Variants in RIMS1 observed in about 807,000 individuals in gnomAD.
RIMS1 encodes regulating synaptic membrane exocytosis 1, also known as regulating synaptic membrane exocytosis protein 1.
In RIMS1, 83 loss-of-function variants were observed where a neutral mutation model predicts 214.1. The observed-to-expected ratio is 0.39, with a 90% CI of 0.32 to 0.47. The LOEUF is 0.47. Ranked by LOEUF, RIMS1 falls within the 20% of genes least tolerant of loss-of-function variation. The pLI is 0.99. For synonymous variants in RIMS1, 793 were observed against 786.8 expected, an observed-to-expected ratio of 1.01 and a Z score of -0.13; for missense variants, 2,050 against 2,161.8, an observed-to-expected ratio of 0.95 and a Z score of 1.03.
At position 72,389,273 on chromosome 6, in the gene RIMS1, G is replaced by A. The variant is rs779984951; in HGVS notation, c.4367-1325G>A. Among the ~76,000 whole-genome samples, 41 of 152,228 alleles carry A rather than the reference G, an allele frequency of 2.7e-4. No individual in the cohort carries two copies. In the South Asian group the frequency reaches 3.3e-3, roughly 12 times the overall value. On this transcript the variant is annotated intron_variant, in intron 29 of 33. Coordinates refer to ENST00000521978, the MANE Select transcript of RIMS1 (RefSeq NM_014989.7). ...TACTAACCATTGTCTTCCTTGAGTG[G>A]TGAAATTATAGGGGGCATTCAATGT...
intron 2 of RIMS1, among the ~76,000 whole-genome samples, chr6:72,067,428 A>C (rs905588169): frequency 2.6e-5 from 4 of 152,180 alleles, no homozygotes; most frequent in Non-Finnish European, 5.9e-5. Flanking sequence ...AGATATTTGC[A>C]TGACCTGTTG....
At chr6:72,296,182 A>T (rs1360702341) in intron 26 of RIMS1, among the ~76,000 whole-genome samples, 1 of 151,810 alleles carries the variant, frequency 6.6e-6, no homozygotes, top group Non-Finnish European at 1.5e-5. Flanking sequence ...GTTTTTTAAA[A>T]ATTTTATTTA....
intron 4 of RIMS1, among the ~76,000 whole-genome samples, chr6:72,165,202 C>T (rs1289013225): frequency 6.6e-6 from 1 of 152,044 alleles, no homozygotes; most frequent in East Asian, 1.9e-4. Context: ...AATTTGAGTT[C>T]ACTAATCTTA....
chr6:72,151,064 A>G (rs1265529385), intron 4 of RIMS1, among the ~76,000 whole-genome samples: 1 of 151,620 alleles, frequency 6.6e-6, no homozygotes, highest in Non-Finnish European at 1.5e-5. Context: ...TTTTTTTGAG[A>G]CGGAGTCTCG....
chr6:71,999,072 C>T (rs1804334436), intron 2 of RIMS1, among the ~76,000 whole-genome samples: 2 of 151,948 alleles, frequency 1.3e-5, no homozygotes, highest in Non-Finnish European at 2.9e-5. Context: ...AATATGATCC[C>T]TTTTACAATA....
intron 4 of RIMS1, among the ~76,000 whole-genome samples, chr6:72,115,265 A>G (rs1255178244): frequency 6.6e-6 from 1 of 151,982 alleles, no homozygotes; most frequent in Admixed American, 6.6e-5. Context: ...TAGTATTATT[A>G]GAAACTGATT....
At chr6:72,227,287 T>C (rs2060476794) in intron 6 of RIMS1, among the ~76,000 whole-genome samples, 1 of 151,960 alleles carries the variant, frequency 6.6e-6, no homozygotes, top group African/African-American at 2.4e-5. Context: ...GAAATGCTTA[T>C]AATTATATAA....
At chr6:72,379,028 A>G in intron 29 of RIMS1, among the ~76,000 whole-genome samples, 1 of 152,350 alleles carries the variant, frequency 6.6e-6, no homozygotes, top group South Asian at 2.1e-4. Flanking sequence ...TCTTCCAGAC[A>G]TGAAACTGTA....
intron 19 of RIMS1, chr6:72,263,323 T>A (rs1227983578): frequency 1.0e-6 from 1 of 985,192 alleles, no homozygotes; most frequent in African/African-American, 1.7e-5. Context: ...AATGCTATAG[T>A]TGCCTTACTG....
At chr6:72,143,826 T>C (rs530396829) in intron 4 of RIMS1, among the ~76,000 whole-genome samples, 1 of 152,350 alleles carries the variant, frequency 6.6e-6, no homozygotes, top group East Asian at 1.9e-4. Context: ...AGCATTGCAC[T>C]TCAACAAATG....
Position 72,011,804 on chromosome 6 carries a change from G to A in RIMS1, c.245+42741G>A, listed in dbSNP as rs533345404. On this transcript the variant is annotated intron_variant, in intron 2 of 33. Transcript: ENST00000521978. ...GATACCATCTCTTACCAGTTAGAAT[G>A]GCAATCATTAAAAAGTCAGGAAACA... Among the ~76,000 whole-genome samples, 10 of 152,286 alleles carry A rather than the reference G, an allele frequency of 6.6e-5. No homozygotes were observed. The South Asian group carries it at 1.9e-3, about 28-fold the overall frequency.
At chr6:72,296,503 T>C (rs575981598) in intron 26 of RIMS1, among the ~76,000 whole-genome samples, 57 of 151,942 alleles carry the variant, frequency 3.8e-4, no homozygotes, top group African/African-American at 1.3e-3. Context: ...TTTCTGAGAG[T>C]CATGGGAGAA....
intron 4 of RIMS1, among the ~76,000 whole-genome samples, chr6:72,133,669 T>C (rs993461209): frequency 6.6e-6 from 1 of 152,146 alleles, no homozygotes; most frequent in African/African-American, 2.4e-5. Flanking sequence ...ACTCACTGAC[T>C]GTGGATGACA....
Position 71,886,824 on chromosome 6 carries a change from G to A in RIMS1, c.-200G>A. 3.2e-6 allele frequency: 2 copies of A among 623,488 alleles called. No homozygotes were observed. Among genetic ancestry groups the A allele is most frequent in the Non-Finnish European group, 5.6e-6 (2 of 358,654 alleles). 38.6% of individuals were successfully genotyped at this position (623,488 alleles called of 1,614,324 possible). On this transcript the variant is annotated 5_prime_UTR_variant, in exon 1 of 34. Coordinates refer to ENST00000521978, the MANE Select transcript of RIMS1 (RefSeq NM_014989.7). ...CAAAGGCAGCATCCGGGGCTGGGTG[G>A]ATGCAAACAACCATGAAAGACTGGG... is the stretch of plus-strand genomic sequence containing the variant.
intron 29 of RIMS1, among the ~76,000 whole-genome samples, chr6:72,341,373 T>C (rs1452160360): frequency 6.6e-6 from 1 of 151,816 alleles, no homozygotes; most frequent in East Asian, 1.9e-4. Context: ...AATCTAAAAC[T>C]ATATGAAATA....
intron 26 of RIMS1, among the ~76,000 whole-genome samples, chr6:72,293,283 A>G (rs529756680): frequency 1.3e-5 from 2 of 152,026 alleles, no homozygotes; most frequent in Admixed American, 6.6e-5. Context: ...AATATGATGC[A>G]TTGTGAAACT....
Position 72,316,867 on chromosome 6 carries a change from G to T in RIMS1, c.4130+3195G>T, listed in dbSNP as rs184454311. On this transcript the variant is annotated intron_variant, in intron 28 of 33. Coordinates refer to ENST00000521978, the MANE Select transcript of RIMS1 (RefSeq NM_014989.7). ...TAGATAGGCAAGTAGGAGGTGGGCA[G>T]CTGCCCCCAGGGGGAGGCCCTGTGT... 232 of 1,019,128 alleles carry T rather than the reference G, an allele frequency of 2.3e-4. 1 individual carries two copies. In the African/African-American group the frequency reaches 3.2e-3, roughly 14 times the overall value. The allele number at this position is 1,019,128 out of a possible 1,614,324, so 63.1% of individuals were successfully genotyped here.
At chr6:72,166,861 T>G (rs1033031451) in intron 4 of RIMS1, among the ~76,000 whole-genome samples, 2 of 152,214 alleles carry the variant, frequency 1.3e-5, no homozygotes, top group Non-Finnish European at 2.9e-5. Flanking sequence ...ATTTCCTACA[T>G]ATACTATCAT....
chr6:72,282,704 A>G, intron 23 of RIMS1, among the ~76,000 whole-genome samples: 1 of 152,124 alleles, frequency 6.6e-6, no homozygotes, highest in Non-Finnish European at 1.5e-5. Flanking sequence ...TGGAAATGAC[A>G]CATTCTTAAA....
Sources: gnomAD v4.1 joint callset for allele counts (sites outside exome capture counted in the v4.1 genomes callset) on GRCh38, gnomAD v4.1.1 for gene constraint, MANE v1.5 for transcripts, NCBI Gene and HGNC (gene_info 2026-07-23, HGNC 2026-07-21) for gene names.